Variants in PARD3B observed in about 807,000 individuals in gnomAD.
The protein encoded by PARD3B is par-3 family cell polarity regulator beta.
A neutral mutation model predicts 130.2 loss-of-function variants in PARD3B; 103 were observed. That is an observed-to-expected ratio of 0.79 (90% CI 0.67 to 0.93). The LOEUF (loss-of-function observed/expected upper bound fraction) is 0.93. PARD3B is among the 40% of genes least tolerant of loss of function. The pLI is 0.00. For missense variants in PARD3B, 1,609 were observed against 1,499.2 expected (o/e 1.07, Z -1.21); for synonymous variants, 583 against 553.2 (o/e 1.05, Z -0.76).
chr2:205,365,086 G>A (rs2044551336), intron 18 of PARD3B, among the ~76,000 whole-genome samples: 1 of 151,898 alleles, frequency 6.6e-6, no homozygotes, highest in Admixed American at 6.6e-5. Context: ...TGTAATCCCA[G>A]CTACTTGGGA....
intron 10 of PARD3B, among the ~76,000 whole-genome samples, chr2:205,156,195 AGGT>A (rs2034122294): frequency 7.5e-6 from 1 of 133,314 alleles, no homozygotes; most frequent in Admixed American, 9.1e-5. Context: ...TCTCACTCAT[AGGT>A]GGGAATTGAA....
chr2:204,934,724 A>G (rs1248912636), intron 2 of PARD3B, among the ~76,000 whole-genome samples: 1 of 152,178 alleles, frequency 6.6e-6, no homozygotes, highest in Non-Finnish European at 1.5e-5. Context: ...TCTTGTCTGA[A>G]CATTCCACAT....
At chr2:205,372,002 T>A (rs2044837247) in intron 18 of PARD3B, among the ~76,000 whole-genome samples, 1 of 152,178 alleles carries the variant, frequency 6.6e-6, no homozygotes, top group South Asian at 2.1e-4. Context: ...TCCCTTTTTA[T>A]TGCCTAATAA....
chr2:205,555,364 T>C (rs1408590566), intron 22 of PARD3B, among the ~76,000 whole-genome samples: 1 of 152,218 alleles, frequency 6.6e-6, no homozygotes, highest in Non-Finnish European at 1.5e-5. Context: ...CTCAGGACTC[T>C]ACTGTTAGCA....
At chr2:205,565,680 C>A (rs2053300028) in intron 22 of PARD3B, among the ~76,000 whole-genome samples, 1 of 152,100 alleles carries the variant, frequency 6.6e-6, no homozygotes, top group Non-Finnish European at 1.5e-5. Context: ...GCAATGTGTG[C>A]AACTTATTAG....
At chr2:205,426,553 C>T (rs1051658715) in intron 19 of PARD3B, among the ~76,000 whole-genome samples, 7 of 152,148 alleles carry the variant, frequency 4.6e-5, no homozygotes, top group African/African-American at 1.4e-4. Flanking sequence ...TTTCTGACCT[C>T]GACTACCATT....
At position 205,254,875 on chromosome 2, in the gene PARD3B, A is replaced by G. The variant is rs1257004604; in HGVS notation, c.2185+9053A>G. ...GAGACGGGGTTTCACCATGTTGGTC[A>G]GGATGGTCTCGATCTCCTGACCTCG... is the stretch of plus-strand genomic sequence containing the variant. On this transcript the variant is annotated intron_variant, in intron 16 of 22. Coordinates refer to ENST00000406610, the MANE Select transcript of PARD3B (RefSeq NM_001302769.2). Among the ~76,000 whole-genome samples, 4 of 151,792 alleles carry G rather than the reference A, an allele frequency of 2.6e-5. No individual in the cohort carries two copies. In the South Asian group the frequency reaches 8.3e-4, roughly 32 times the overall value.
At chr2:205,593,158 G>A (rs752305401) in intron 22 of PARD3B, among the ~76,000 whole-genome samples, 15 of 152,192 alleles carry the variant, frequency 9.9e-5, no homozygotes, top group Non-Finnish European at 2.2e-4. Context: ...GTAAGCATTT[G>A]ATTTCTGAAA....
intron 1 of PARD3B, among the ~76,000 whole-genome samples, chr2:204,596,695 G>A (rs1345792627): frequency 1.3e-5 from 2 of 152,160 alleles, no homozygotes; most frequent in African/African-American, 2.4e-5. Context: ...TTGGGAGGCC[G>A]AGGCAGGTGG....
intron 1 of PARD3B, among the ~76,000 whole-genome samples, chr2:204,580,388 A>G (rs1021425415): frequency 2.6e-5 from 4 of 151,572 alleles, no homozygotes; most frequent in African/African-American, 7.3e-5. Flanking sequence ...CTTCTTCGTC[A>G]CTCATGCCCA....
intron 22 of PARD3B, among the ~76,000 whole-genome samples, chr2:205,599,027 A>T (rs2054678866): frequency 6.6e-6 from 1 of 152,198 alleles, no homozygotes; most frequent in Non-Finnish European, 1.5e-5. Flanking sequence ...AAGATCTCAA[A>T]TTAACAACCT....
intron 21 of PARD3B, among the ~76,000 whole-genome samples, chr2:205,545,759 A>G (rs1037563096): frequency 6.6e-6 from 1 of 152,208 alleles, no homozygotes; most frequent in South Asian, 2.1e-4. Flanking sequence ...TCCGCTTTTC[A>G]TCAGCAGACA....
chr2:205,040,567 T>C (rs1202107029), intron 3 of PARD3B, among the ~76,000 whole-genome samples: 1 of 152,198 alleles, frequency 6.6e-6, no homozygotes, highest in Non-Finnish European at 1.5e-5. Flanking sequence ...TAAGGAAATG[T>C]ACTACATGAA....
At position 205,589,294 on chromosome 2, in the gene PARD3B, C is replaced by T. The variant is rs12987398; in HGVS notation, c.3261-26162C>T. ...TGGTGAAGCGAGACCCTGTCTCAAT[C>T]AATCAATCAATCAATCAAATCCTGA... is the stretch of plus-strand genomic sequence containing the variant. On this transcript the variant is annotated intron_variant, in intron 22 of 22. Transcript: ENST00000406610. This position sits in a 1 kb window ranked among gnomAD's most constrained non-coding sequence, Gnocchi z 4.1. 0.65 allele frequency among the ~76,000 whole-genome samples: 98,068 copies of T among 151,978 alleles called. 31,790 individuals are homozygous for T. Among genetic ancestry groups the T allele is most frequent in the East Asian group, 0.81 (4,167 of 5,144 alleles).
chr2:204,549,349 A>G (rs2030271981), intron 1 of PARD3B, among the ~76,000 whole-genome samples: 1 of 152,096 alleles, frequency 6.6e-6, no homozygotes, highest in African/African-American at 2.4e-5. Context: ...GTTAGTGGAG[A>G]AGTGATTGTC....
rs188744089 is a variant in PARD3B, at chr2:205,559,701, C to T, written c.3260+6298C>T. 1.1e-3 allele frequency among the ~76,000 whole-genome samples: 165 copies of T among 149,366 alleles called. 2 individuals are homozygous for T. The East Asian group carries it at 0.023, about 21-fold the overall frequency. On this transcript the variant is annotated intron_variant, in intron 22 of 22. Transcript: ENST00000406610. ...GCAACTTCCGCCTCCCAAGTTCAAGCGATTCTCCTGCCTCAGCCTCCCAAG... is the reference window on the plus strand; with the variant it reads ...GCAACTTCCGCCTCCCAAGTTCAAGTGATTCTCCTGCCTCAGCCTCCCAAG...
At chr2:204,576,215 G>A (rs1306081188) in intron 1 of PARD3B, among the ~76,000 whole-genome samples, 1 of 152,090 alleles carries the variant, frequency 6.6e-6, no homozygotes, top group Non-Finnish European at 1.5e-5. Context: ...TAGCTTGAGG[G>A]TGCCCTAAAG....
chr2:205,460,724 G>A lies in PARD3B; in HGVS notation c.3044+20052G>A, dbSNP rs1343837208. On this transcript the variant is annotated intron_variant, in intron 20 of 22. Transcript: ENST00000406610. The surrounding 1 kb of genome is among the most constrained non-coding windows in gnomAD (Gnocchi z 4.9). ...TACCGTATCTCATAAAATTCACAGA[G>A]GCCTGAATGAGTTAATGCATGGCAA... 6.6e-6 allele frequency among the ~76,000 whole-genome samples: 1 copy of A among 152,100 alleles called. No homozygotes were observed. The highest frequency in any genetic ancestry group is 1.5e-5 in the Non-Finnish European group (1 of 68,028).
intron 22 of PARD3B, among the ~76,000 whole-genome samples, chr2:205,573,372 T>G (rs183900872): frequency 1.3e-5 from 2 of 151,890 alleles, no homozygotes; most frequent in Non-Finnish European, 2.9e-5. Flanking sequence ...TGGCTGGAGG[T>G]GCCATTCTCC....
Sources: allele counts gnomAD v4.1 joint callset (sites outside exome capture counted in the v4.1 genomes callset), GRCh38; gene constraint gnomAD v4.1.1; non-coding constraint Gnocchi (gnomAD v3.1); transcripts MANE v1.5; gene names NCBI Gene and HGNC (gene_info 2026-07-23, HGNC 2026-07-21).